AMZ2: variants seen among roughly 807,000 people sequenced by gnomAD.
The protein encoded by AMZ2 is archaelysin family metallopeptidase 2, also known as archaemetzincin-2.
Under a neutral mutation model 36.7 loss-of-function variants are expected in AMZ2, and 26 were observed. The observed-to-expected ratio is 0.71, with a 90% CI of 0.52 to 0.98. AMZ2 has a LOEUF of 0.98. Ranked by LOEUF, AMZ2 falls within the 50% of genes least tolerant of loss-of-function variation. AMZ2 has a pLI of 0.00. For missense variants in AMZ2, 394 were observed against 430.5 expected (o/e 0.92, Z 0.75); for synonymous variants, 144 against 149.1 (o/e 0.97, Z 0.25).
chr17:68,254,355 C>A (rs1286441391), intron 4 of AMZ2, 49 bp from the exon 5 acceptor site: 2 of 1,558,092 alleles, frequency 1.3e-6, no homozygotes, highest in Non-Finnish European at 1.7e-6. Flanking sequence ...TTTGGTCTTT[C>A]TTCAGGGACC....
chr17:68,251,058 C>A lies in AMZ2; in HGVS notation c.466C>A (p.Leu156Met). Residue 156 changes from leucine to methionine, a missense_variant, in exon 4 of 7, where the codon CTG (leucine) becomes ATG (methionine). Transcript: ENST00000359904. ...HNLQIHAGDI[L>M]KFLKKKKPED... ...TATTTCTTTTTAAATAGGGGACATC[C>A]TGAAGTTCTTGAAAAAGAAGAAACC... 6.2e-7 allele frequency: 1 copy of A among 1,610,956 alleles called. No homozygotes were observed. The highest frequency in any genetic ancestry group is 1.1e-5 in the South Asian group (1 of 90,034).
chr17:68,236,485 A>G (rs532142004), intron 1 of AMZ2, among the ~76,000 whole-genome samples: 2 of 152,076 alleles, frequency 1.3e-5, no homozygotes, highest in East Asian at 1.9e-4. Flanking sequence ...TGCAAAATAA[A>G]TATTGCTAAA....
intron 1 of AMZ2, among the ~76,000 whole-genome samples, chr17:68,242,382 A>G (rs1599374344): frequency 7.0e-6 from 1 of 142,874 alleles, no homozygotes; most frequent in Non-Finnish European, 1.5e-5. Context: ...CTAAAGAGGG[A>G]CAGAGAAAAA....
Position 68,251,304 on chromosome 17 carries a change from T to C in AMZ2, c.586+126T>C, listed in dbSNP as rs1281487066. On this transcript the variant is annotated intron_variant, in intron 4 of 6. Transcript: ENST00000359904. ...TTTAAAATATTTTCAGTTGAGACATTATGCCATAATGGGAAGTGTGCTGTT... is the reference window on the plus strand; with the variant it reads ...TTTAAAATATTTTCAGTTGAGACATCATGCCATAATGGGAAGTGTGCTGTT... The C allele has an allele frequency of 2.9e-6, 3 of 1,048,110 alleles. No individual in the cohort carries two copies. The African/African-American group carries it at 5.1e-5, about 18-fold the overall frequency. 64.9% of individuals were successfully genotyped at this position (1,048,110 alleles called of 1,614,324 possible).
At chr17:68,247,576 A>G (rs1176378677), upstream of AMZ2, 1 of 960,664 alleles carries the variant, frequency 1.0e-6, no homozygotes, top group African/African-American at 1.8e-5. Context: ...CCCCCAACAA[A>G]TAAAGAAGGG....
chr17:68,255,666 G>C lies in AMZ2; in HGVS notation c.751-34G>C, dbSNP rs782684012. The C allele has an allele frequency of 8.1e-6, 13 of 1,595,552 alleles. No homozygotes were observed. In the East Asian group the frequency reaches 2.2e-4, roughly 28 times the overall value. ...GAGACGTGTAGCCTAATGTGATGGT[G>C]GTCTTATAAAGCCTCAACATGATTG... On this transcript the variant is annotated intron_variant, in intron 5 of 6. Transcript: ENST00000359904.
chr17:68,255,985 G>A (rs2074878201), intron 6 of AMZ2, 109 bp downstream of exon 6: 3 of 1,199,672 alleles, frequency 2.5e-6, no homozygotes, highest in South Asian at 1.8e-5. Context: ...GAGGAAATTA[G>A]TGTAAAGATA....
chr17:68,255,282 C>T (rs1214453107), intron 5 of AMZ2, among the ~76,000 whole-genome samples: 11 of 152,082 alleles, frequency 7.2e-5, no homozygotes, highest in Non-Finnish European at 1.5e-5. Flanking sequence ...CAACAAGTAC[C>T]CTAGTGTAGA....
chr17:68,246,195 C>CAAAAAAAAAAAAAAA (rs57477453), upstream of AMZ2, among the ~76,000 whole-genome samples: 9 of 83,826 alleles, frequency 1.1e-4, no homozygotes, highest in Non-Finnish European at 1.6e-4. Context: ...ACTAAAAATA[C>CAAAAAAAAAAAAAAA]AAAAAAAAAA....
At chr17:68,238,048 C>T (rs537531761) in intron 1 of AMZ2, among the ~76,000 whole-genome samples, 62 of 152,010 alleles carry the variant, frequency 4.1e-4, no homozygotes, top group African/African-American at 9.7e-4. Flanking sequence ...CTGAAAAAGG[C>T]GAAATTGAAA....
At position 68,209,373 on chromosome 17, in the gene AMZ2, T is replaced by C. The variant is rs868950275; in HGVS notation, c.-67+3135T>C. Among the ~76,000 whole-genome samples, 16 of 151,818 alleles carry C rather than the reference T, an allele frequency of 1.1e-4. No homozygotes were observed. The Middle Eastern group carries it at 0.01, about 97-fold the overall frequency. On this transcript the variant is annotated intron_variant, in intron 1 of 7. Transcript: ENST00000674770. ...CATGCCCGGCTAATTTTTGTGTTTT[T>C]AGTAGAGATGGGGTTTCACTATGTT...
intron 1 of AMZ2, among the ~76,000 whole-genome samples, chr17:68,221,037 G>A (rs1555728342): frequency 6.6e-6 from 1 of 152,010 alleles, no homozygotes; most frequent in African/African-American, 2.4e-5. Flanking sequence ...ACCCGCCTCG[G>A]CCCCGCAAAG....
At chr17:68,220,782 C>CTTTT (rs11298867) in intron 1 of AMZ2, among the ~76,000 whole-genome samples, 29 of 131,812 alleles carry the variant, frequency 2.2e-4, no homozygotes, top group East Asian at 1.3e-3. Flanking sequence ...TTTTCTTTCT[C>CTTTT]TTTTTTTTTT....
At chr17:68,223,021 C>T (rs570338337) in intron 1 of AMZ2, among the ~76,000 whole-genome samples, 6 of 151,432 alleles carry the variant, frequency 4.0e-5, no homozygotes, top group Middle Eastern at 3.4e-3. Flanking sequence ...AGCAGAGAGG[C>T]GTGTGCTCTC....
chr17:68,211,702 ATATATG>A (rs1229345569), intron 1 of AMZ2, among the ~76,000 whole-genome samples: 2 of 136,748 alleles, frequency 1.5e-5, no homozygotes, highest in African/African-American at 5.2e-5. Flanking sequence ...ATATATATGT[ATATATG>A]TATATGTATA....
intron 1 of AMZ2, among the ~76,000 whole-genome samples, chr17:68,226,903 C>T (rs9944515): frequency 0.32 from 43,110 of 136,320 alleles, 7,986 homozygotes; most frequent in African/African-American, 0.5. Flanking sequence ...CTGCCACTTC[C>T]TAGGGTCCCA....
chr17:68,221,596 G>T (rs2073368761), intron 1 of AMZ2, among the ~76,000 whole-genome samples: 1 of 151,970 alleles, frequency 6.6e-6, no homozygotes, highest in Non-Finnish European at 1.5e-5. Context: ...GTGTGGTGGC[G>T]GGTGCCTGTA....
At chr17:68,243,043 C>CAAAAA (rs35857340), upstream of AMZ2, among the ~76,000 whole-genome samples, 3 of 105,080 alleles carry the variant, frequency 2.9e-5, no homozygotes, top group South Asian at 6.6e-4. Flanking sequence ...GGCTCTGTCT[C>CAAAAA]AAAAAAAAAA....
intron 4 of AMZ2, among the ~76,000 whole-genome samples, chr17:68,251,983 G>T (rs1301117101): frequency 3.3e-5 from 5 of 151,522 alleles, no homozygotes; most frequent in East Asian, 1.9e-4. Flanking sequence ...TAATATTAGG[G>T]ATGGGAAAGG....
Sources: gnomAD v4.1 joint callset for allele counts (sites outside exome capture counted in the v4.1 genomes callset) on GRCh38, gnomAD v4.1.1 for gene constraint, MANE v1.5 for transcripts, NCBI Gene and HGNC (gene_info 2026-07-23, HGNC 2026-07-21) for gene names.